KCNB2: variants seen among roughly 807,000 people sequenced by gnomAD.
The protein encoded by KCNB2 is potassium voltage-gated channel subfamily B member 2, also known as delayed rectifier potassium channel protein.
In KCNB2, 15 loss-of-function variants were observed where a neutral mutation model predicts 61.5. That is an observed-to-expected ratio of 0.24 (90% CI 0.16 to 0.38). The LOEUF is 0.38. Ranked by LOEUF, KCNB2 falls within the 10% of genes least tolerant of loss-of-function variation. The pLI is 1.00. For missense variants in KCNB2, 828 were observed against 1,125.2 expected (o/e 0.74, Z 3.78); for synonymous variants, 457 against 446.0 (o/e 1.02, Z -0.31).
intron 2 of KCNB2, among the ~76,000 whole-genome samples, chr8:72,700,441 C>T (rs1196506613): frequency 6.6e-6 from 1 of 151,620 alleles, no homozygotes; most frequent in Non-Finnish European, 1.5e-5. Context: ...AGACAAGTGG[C>T]CAATAAACAT....
rs561386533 is a variant in KCNB2, at chr8:72,908,162, G to A, written c.580-27773G>A. Among the ~76,000 whole-genome samples the A allele has an allele frequency of 5.9e-5, 9 of 152,026 alleles. No homozygotes were observed. In the South Asian group the frequency reaches 1.9e-3, roughly 32 times the overall value. On this transcript the variant is annotated intron_variant, in intron 2 of 2. Transcript: ENST00000523207. ...TGAGCTCCTCTTTTGTGCATGCACT[G>A]GAGAGATCTTTGAACTATGAAGGAA...
rs150971966 is a variant in KCNB2 at position 72,803,571 on chromosome 8, C to G, written c.580-132364C>G. Among the ~76,000 whole-genome samples, 149 of 152,300 alleles carry G rather than the reference C, an allele frequency of 9.8e-4. 2 individuals are homozygous for G. The highest frequency in any genetic ancestry group is 3.3e-3 in the African/African-American group (137 of 41,558). On this transcript the variant is annotated intron_variant, in intron 2 of 2. Transcript: ENST00000523207. Reference sequence around the variant, plus strand: ...CCCAAAGAAGTCCTGGTGTATAAGACTGTGTAGTAAATATCAGTTCCCTCC... The same window carrying G: ...CCCAAAGAAGTCCTGGTGTATAAGAGTGTGTAGTAAATATCAGTTCCCTCC...
At chr8:72,758,487 A>G (rs918324455) in intron 2 of KCNB2, among the ~76,000 whole-genome samples, 41 of 152,346 alleles carry the variant, frequency 2.7e-4, no homozygotes, top group African/African-American at 9.4e-4. Context: ...ATGCACTTAC[A>G]TAGCTAATGA....
chr8:72,697,450 C>T (rs1285940632), intron 2 of KCNB2, among the ~76,000 whole-genome samples: 1 of 152,116 alleles, frequency 6.6e-6, no homozygotes, highest in African/African-American at 2.4e-5. Flanking sequence ...AGGGAGTCAT[C>T]GCTCCCTAAA....
chr8:72,605,143 A>G (rs1585779709), intron 2 of KCNB2, among the ~76,000 whole-genome samples: 1 of 152,248 alleles, frequency 6.6e-6, no homozygotes, highest in African/African-American at 2.4e-5. Flanking sequence ...AAGTTAATTA[A>G]TAGAAGTACG....
intron 2 of KCNB2, among the ~76,000 whole-genome samples, chr8:72,595,729 C>G (rs960649235): frequency 1.3e-5 from 2 of 152,014 alleles, no homozygotes; most frequent in African/African-American, 4.8e-5. Flanking sequence ...CCCATAACAC[C>G]CTGTATTCCC....
At chr8:72,699,598 A>C (rs1379679640) in intron 2 of KCNB2, among the ~76,000 whole-genome samples, 1 of 152,106 alleles carries the variant, frequency 6.6e-6, no homozygotes, top group African/African-American at 2.4e-5. Flanking sequence ...TCTTTAGTTT[A>C]ATTAGATCCC....
Position 72,694,102 on chromosome 8 carries a change from G to A in KCNB2, c.579+125789G>A, listed in dbSNP as rs142894943. 2.1e-3 allele frequency among the ~76,000 whole-genome samples: 319 copies of A among 152,220 alleles called. 3 individuals are homozygous for A. The highest frequency in any genetic ancestry group is 7.2e-3 in the African/African-American group (300 of 41,536). Reference sequence around the variant, plus strand: ...CCCATGAGAAGAGAAATAATTAATTGTATCATAACTACATCATGAACTATT... The same window carrying A: ...CCCATGAGAAGAGAAATAATTAATTATATCATAACTACATCATGAACTATT... On this transcript the variant is annotated intron_variant, in intron 2 of 2. Transcript: ENST00000523207.
intron 2 of KCNB2, among the ~76,000 whole-genome samples, chr8:72,732,565 G>T (rs1342410780): frequency 6.6e-6 from 1 of 152,190 alleles, no homozygotes; most frequent in East Asian, 1.9e-4. Context: ...ATTTTTGACT[G>T]CAAGAATTGA....
chr8:72,646,683 T>C (rs753566174), intron 2 of KCNB2, among the ~76,000 whole-genome samples: 7 of 152,056 alleles, frequency 4.6e-5, no homozygotes, highest in Non-Finnish European at 8.8e-5. Context: ...AGAAGGCAAA[T>C]TCATAGAGGC....
chr8:72,600,205 A>C (rs1185620396), intron 2 of KCNB2, among the ~76,000 whole-genome samples: 1 of 152,176 alleles, frequency 6.6e-6, no homozygotes, highest in Non-Finnish European at 1.5e-5. Flanking sequence ...AATGTCCAAC[A>C]ATGATAGACT....
intron 2 of KCNB2, among the ~76,000 whole-genome samples, chr8:72,726,715 T>C (rs1238476091): frequency 6.6e-6 from 1 of 152,260 alleles, no homozygotes; most frequent in Non-Finnish European, 1.5e-5. Context: ...TTACAAGTTC[T>C]GCATTTTAAA....
intron 2 of KCNB2, among the ~76,000 whole-genome samples, chr8:72,786,166 A>G (rs553545329): frequency 1.3e-5 from 2 of 152,268 alleles, no homozygotes; most frequent in South Asian, 4.1e-4. Flanking sequence ...AAATCCTACA[A>G]GCACAAAAAT....
intron 2 of KCNB2, among the ~76,000 whole-genome samples, chr8:72,907,829 C>A (rs1051699644): frequency 6.6e-6 from 1 of 152,102 alleles, no homozygotes; most frequent in Non-Finnish European, 1.5e-5. Flanking sequence ...AAGTTTATAG[C>A]CTTAATATAC....
chr8:72,652,662 C>T (rs1338788688), intron 2 of KCNB2, among the ~76,000 whole-genome samples: 2 of 152,094 alleles, frequency 1.3e-5, no homozygotes, highest in Non-Finnish European at 2.9e-5. Flanking sequence ...ATTGATAGGG[C>T]TTAATGACCG....
intron 2 of KCNB2, among the ~76,000 whole-genome samples, chr8:72,856,983 A>G (rs1810218061): frequency 6.6e-6 from 1 of 152,250 alleles, no homozygotes; most frequent in South Asian, 2.1e-4. Context: ...CGGAAAGACC[A>G]TAATCCTCCT....
At chr8:72,817,204 A>C (rs1336496788) in intron 2 of KCNB2, among the ~76,000 whole-genome samples, 3 of 152,176 alleles carry the variant, frequency 2.0e-5, no homozygotes, top group African/African-American at 7.2e-5. Context: ...CAATGGTTTT[A>C]CATTTCTGAA....
chr8:72,540,076 A>G (rs970414283), intron 1 of KCNB2, among the ~76,000 whole-genome samples: 1 of 152,196 alleles, frequency 6.6e-6, no homozygotes, highest in Non-Finnish European at 1.5e-5. Context: ...TTAAACGTTG[A>G]AAAATATTTT....
chr8:72,561,741 A>ATGTT (rs1563523454), intron 1 of KCNB2, among the ~76,000 whole-genome samples: 1 of 26,902 alleles, frequency 3.7e-5, no homozygotes, highest in Non-Finnish European at 5.8e-5. Flanking sequence ...ATATCTATAT[A>ATGTT]TATATGTATA....
Sources: allele counts gnomAD v4.1 joint callset (sites outside exome capture counted in the v4.1 genomes callset), GRCh38; gene constraint gnomAD v4.1.1; transcripts MANE v1.5; gene names NCBI Gene and HGNC (gene_info 2026-07-23, HGNC 2026-07-21).